The following CDH13 variants were observed in gnomAD, a reference collection of about 807,000 sequenced individuals.
The protein encoded by CDH13 is cadherin-13.
In CDH13, 24 loss-of-function variants were observed where a neutral mutation model predicts 63.8. That is an observed-to-expected ratio of 0.38 (90% CI 0.27 to 0.53). CDH13 has a LOEUF of 0.53. CDH13 is among the 20% of genes least tolerant of loss of function. The probability of loss-of-function intolerance (pLI) is 0.85; values close to 1 mark genes in which losing one functional copy is unlikely to be tolerated. For synonymous variants in CDH13, 503 were observed against 355.3 expected (o/e 1.42, Z -4.67); for missense variants, 1,049 against 903.1 (o/e 1.16, Z -2.07).
chr16:83,711,813 G>A (rs1454426414), intron 10 of CDH13, among the ~76,000 whole-genome samples: 14 of 152,230 alleles, frequency 9.2e-5, no homozygotes, highest in Admixed American at 9.2e-4. Flanking sequence ...ACCACACCCA[G>A]CTGGCCAGCA....
chr16:83,098,089 G>C (rs2151595724), intron 3 of CDH13, among the ~76,000 whole-genome samples: 1 of 152,316 alleles, frequency 6.6e-6, no homozygotes, highest in East Asian at 1.9e-4. Context: ...ACCGTCTGAA[G>C]GGTCTGGCTT....
chr16:82,867,981 A>T (rs2040209958), intron 2 of CDH13, among the ~76,000 whole-genome samples: 1 of 152,188 alleles, frequency 6.6e-6, no homozygotes, highest in South Asian at 2.1e-4. Context: ...AACAATGATA[A>T]TTCTTTTCCC....
intron 1 of CDH13, among the ~76,000 whole-genome samples, chr16:82,676,723 TG>T (rs2150953811): frequency 6.6e-6 from 1 of 152,290 alleles, no homozygotes; most frequent in South Asian, 2.1e-4. Flanking sequence ...TATAAGACCT[TG>T]CATGAGATGC....
At chr16:83,218,103 A>G (rs1286776004) in intron 5 of CDH13, among the ~76,000 whole-genome samples, 2 of 152,188 alleles carry the variant, frequency 1.3e-5, no homozygotes, top group Admixed American at 1.3e-4. Context: ...AAAAATGATA[A>G]AGAAAAATCA....
At chr16:82,867,490 C>T (rs950050540) in intron 2 of CDH13, among the ~76,000 whole-genome samples, 2 of 152,164 alleles carry the variant, frequency 1.3e-5, no homozygotes, top group African/African-American at 4.8e-5. Context: ...ACCCTTAACT[C>T]TCAGCTTTCC....
intron 3 of CDH13, among the ~76,000 whole-genome samples, chr16:83,123,255 AAT>A (rs141492339): frequency 1.9e-4 from 29 of 149,250 alleles, no homozygotes; most frequent in Middle Eastern, 3.4e-3. Context: ...TATAGATACA[AAT>A]ATATATATAT....
rs374367439 is a variant in CDH13, at chr16:83,434,961, G to C, written c.782-51516G>C. On this transcript the variant is annotated intron_variant, in intron 6 of 13. Transcript: ENST00000567109. ...ATTTTATTTATATATAAAACATAGG[G>C]GTTTTATTTATATAAATAAATAAAT... Among the ~76,000 whole-genome samples the C allele has an allele frequency of 2.3e-4, 14 of 61,472 alleles. 1 individual carries two copies. The East Asian group carries it at 3.8e-3, about 17-fold the overall frequency. 40.3% of individuals were successfully genotyped at this position (61,472 alleles called of 152,430 possible). A position where few individuals can be genotyped will look rare whatever the true frequency, so the allele number is the denominator to read the frequency against.
At chr16:82,639,701 G>GT (rs1437993515) in intron 1 of CDH13, among the ~76,000 whole-genome samples, 3 of 152,222 alleles carry the variant, frequency 2.0e-5, no homozygotes, top group African/African-American at 4.8e-5. Context: ...CCAGACTAGT[G>GT]TTTTTTCCTG....
intron 1 of CDH13, among the ~76,000 whole-genome samples, chr16:82,638,443 A>G (rs1335001206): frequency 6.6e-6 from 1 of 152,190 alleles, no homozygotes; most frequent in Admixed American, 6.5e-5. Context: ...AGGAATATCT[A>G]TGCTTGCCCT....
rs74545899 is a variant in CDH13, at chr16:83,627,007, G to A, written c.1101+24413G>A. On this transcript the variant is annotated intron_variant, in intron 8 of 13. Coordinates refer to ENST00000567109, the MANE Select transcript of CDH13 (RefSeq NM_001257.5). Reference sequence around the variant, plus strand: ...CTTAAAAAGATTCCTATTCAGCCAGGCGTTGTGGCTCATGCCTGTAATCAT... The same window carrying A: ...CTTAAAAAGATTCCTATTCAGCCAGACGTTGTGGCTCATGCCTGTAATCAT... Among the ~76,000 whole-genome samples, 514 of 152,166 alleles carry A rather than the reference G, an allele frequency of 3.4e-3. 7 individuals are homozygous for A. Among genetic ancestry groups the A allele is most frequent in the African/African-American group, 0.012 (495 of 41,508 alleles).
intron 2 of CDH13, among the ~76,000 whole-genome samples, chr16:82,999,094 T>C (rs1287557579): frequency 6.6e-6 from 1 of 152,166 alleles, no homozygotes; most frequent in Admixed American, 6.5e-5. Flanking sequence ...AGTCCATCGC[T>C]CTGGTGAAAG....
chr16:83,575,258 TGC>T (rs1332679158), intron 7 of CDH13, among the ~76,000 whole-genome samples: 1 of 152,210 alleles, frequency 6.6e-6, no homozygotes, highest in Non-Finnish European at 1.5e-5. Flanking sequence ...TCTGTAAATA[TGC>T]TAAAAACAAT....
intron 1 of CDH13, among the ~76,000 whole-genome samples, chr16:82,643,477 C>T (rs1343627238): frequency 1.3e-5 from 2 of 152,202 alleles, no homozygotes; most frequent in Admixed American, 6.5e-5. Context: ...AGGATTAAGA[C>T]CCAGGCTGTT....
chr16:83,773,097 C>CAG (rs1326232126), intron 11 of CDH13, among the ~76,000 whole-genome samples: 3 of 152,150 alleles, frequency 2.0e-5, no homozygotes, highest in African/African-American at 7.2e-5. Flanking sequence ...AACCCTTCCA[C>CAG]AGAGACTGAG....
Position 82,842,091 on chromosome 16 carries a change from CAT to C in CDH13, c.46-16252_46-16251del, listed in dbSNP as rs1186963516. ...AAATCTGAGCCAGTCTTGCATTCTA[CAT>C]ATATATATATATATATATGTATATA... is the stretch of plus-strand genomic sequence containing the variant. On this transcript the variant is annotated intron_variant, in intron 1 of 13. Coordinates refer to ENST00000567109, the MANE Select transcript of CDH13 (RefSeq NM_001257.5). 7.2e-3 allele frequency among the ~76,000 whole-genome samples: 297 copies of C among 41,480 alleles called. 3 individuals carry two copies. The highest frequency in any genetic ancestry group is 0.038 in the Middle Eastern group (4 of 106). The allele number at this position is 41,480 out of a possible 152,430, so 27.2% of individuals were successfully genotyped here.
intron 6 of CDH13, among the ~76,000 whole-genome samples, chr16:83,460,538 A>T (rs760585491): frequency 6.6e-6 from 1 of 152,186 alleles, no homozygotes; most frequent in African/African-American, 2.4e-5. Context: ...TGCAGCAAGG[A>T]TGGTGGATCT....
chr16:83,697,809 G>A (rs780631997), intron 10 of CDH13, among the ~76,000 whole-genome samples: 1 of 152,142 alleles, frequency 6.6e-6, no homozygotes, highest in Non-Finnish European at 1.5e-5. Context: ...CACCATGCCT[G>A]GCTAATTTTG....
intron 10 of CDH13, among the ~76,000 whole-genome samples, chr16:83,701,454 G>A (rs1003083218): frequency 2.8e-4 from 43 of 152,292 alleles, no homozygotes; most frequent in African/African-American, 8.7e-4. Context: ...ACATCCGGTC[G>A]TAGGCCGTAC....
chr16:83,484,224 A>G (rs2073836462), intron 6 of CDH13, among the ~76,000 whole-genome samples: 1 of 152,184 alleles, frequency 6.6e-6, no homozygotes. Flanking sequence ...AAGCATTGCT[A>G]TGGAAGGAAA....
Sources: allele counts gnomAD v4.1 joint callset (sites outside exome capture counted in the v4.1 genomes callset), GRCh38; gene constraint gnomAD v4.1.1; transcripts MANE v1.5; gene names NCBI Gene and HGNC (gene_info 2026-07-23, HGNC 2026-07-21).